The following RPH3A variants were observed in gnomAD, a reference collection of about 807,000 sequenced individuals.
RPH3A encodes rabphilin 3A, also known as rabphilin-3A.
RPH3A carries 48 observed loss-of-function variants against 102.2 expected under a neutral mutation model. That is an observed-to-expected ratio of 0.47 (90% CI 0.37 to 0.60). RPH3A has a LOEUF of 0.60. Among genes scored for constraint, RPH3A ranks in the 20% least tolerant of loss-of-function variants. The probability of loss-of-function intolerance (pLI) is 0.00; values close to 1 mark genes in which losing one functional copy is unlikely to be tolerated. For synonymous variants in RPH3A, 310 were observed against 324.3 expected, an observed-to-expected ratio of 0.96 and a Z score of 0.47; for missense variants, 781 against 910.1, an observed-to-expected ratio of 0.86 and a Z score of 1.83.
At chr12:112,650,179 C>G (rs773901333) in intron 1 of RPH3A, among the ~76,000 whole-genome samples, 2 of 152,196 alleles carry the variant, frequency 1.3e-5, no homozygotes, top group Non-Finnish European at 2.9e-5. Flanking sequence ...CCAGTTCAGT[C>G]CCAGCAGCCA....
At chr12:112,663,468 C>A (rs994278528) in intron 1 of RPH3A, among the ~76,000 whole-genome samples, 6 of 152,050 alleles carry the variant, frequency 3.9e-5, no homozygotes, top group African/African-American at 1.4e-4. Context: ...CCCACCATGG[C>A]CTCCCCTTAG....
intron 3 of RPH3A, among the ~76,000 whole-genome samples, chr12:112,832,880 A>G (rs936478662): frequency 6.6e-6 from 1 of 151,916 alleles, no homozygotes; most frequent in African/African-American, 2.4e-5. Context: ...TAGTTAAATG[A>G]TATTACACAC....
intron 1 of RPH3A, among the ~76,000 whole-genome samples, chr12:112,725,122 G>A (rs1209471703): frequency 2.6e-5 from 4 of 151,800 alleles, no homozygotes; most frequent in Non-Finnish European, 1.5e-5. Context: ...GGTGGCATAC[G>A]CCTGTAATCC....
intron 1 of RPH3A, among the ~76,000 whole-genome samples, chr12:112,689,620 T>G (rs1160838301): frequency 6.6e-6 from 1 of 152,214 alleles, no homozygotes; most frequent in Non-Finnish European, 1.5e-5. Flanking sequence ...TCTTCAACAA[T>G]TTTCTGCAAT....
intron 2 of RPH3A, among the ~76,000 whole-genome samples, chr12:112,816,833 G>A (rs2041680347): frequency 6.6e-6 from 1 of 152,086 alleles, no homozygotes; most frequent in Non-Finnish European, 1.5e-5. Context: ...CCATCTCTTA[G>A]GAAAACATAA....
rs558328564 is a variant in RPH3A at position 112,669,830 on chromosome 12, G to A, written c.-140+94511G>A. On this transcript the variant is annotated intron_variant, in intron 1 of 21. Coordinates refer to the RPH3A transcript ENST00000543106. ...TTTTTTGTGGCCATAATATTCTATT[G>A]TATGGCTATAGCATAATTTTTTTCA... is the stretch of plus-strand genomic sequence containing the variant. Among the ~76,000 whole-genome samples, 30 of 152,160 alleles carry A rather than the reference G, an allele frequency of 2.0e-4. No homozygotes were observed. In the South Asian group the frequency reaches 5.6e-3, roughly 28 times the overall value.
At chr12:112,873,619 A>G (rs1348070151) in intron 10 of RPH3A, among the ~76,000 whole-genome samples, 8 of 152,184 alleles carry the variant, frequency 5.3e-5, no homozygotes, top group Non-Finnish European at 8.8e-5. Flanking sequence ...TACACATTCA[A>G]CAAGATCTGA....
chr12:112,651,384 A>AAAAC (rs35545455), intron 1 of RPH3A, among the ~76,000 whole-genome samples: 69,306 of 150,566 alleles, frequency 0.46, 19,093 homozygotes, highest in Non-Finnish European at 0.61. Flanking sequence ...AAACCCCCAA[A>AAAAC]AAACAAACAA....
Position 112,713,051 on chromosome 12 carries a change from C to CCTTCTTCTTCTTCTTCTT in RPH3A, c.-139-79058_-139-79041dup, listed in dbSNP as rs397958107. ...TTCTTCTTCTTCTTCTTCTTCTTCT[C>CCTTCTTCTTCTTCTTCTT]CTTCTTCTTCTTCTTCTTCTTCTTC... On this transcript the variant is annotated intron_variant, in intron 1 of 21. Coordinates refer to the RPH3A transcript ENST00000543106. Among the ~76,000 whole-genome samples the CCTTCTTCTTCTTCTTCTT allele has an allele frequency of 1.5e-3, 132 of 85,872 alleles. 3 individuals carry two copies. The highest frequency in any genetic ancestry group is 1.0e-3 in the Admixed American group (7 of 6,882). 56.3% of individuals were successfully genotyped at this position (85,872 alleles called of 152,430 possible).
chr12:112,704,092 C>CTTT (rs764997927), intron 1 of RPH3A, among the ~76,000 whole-genome samples: 1 of 146,020 alleles, frequency 6.8e-6, no homozygotes, highest in Non-Finnish European at 1.5e-5. Context: ...TCTTCTTCTT[C>CTTT]TTTTTTTTTT....
At chr12:112,646,277 G>A (rs1017873575) in intron 1 of RPH3A, among the ~76,000 whole-genome samples, 8 of 152,020 alleles carry the variant, frequency 5.3e-5, no homozygotes, top group African/African-American at 1.5e-4. Flanking sequence ...CAAGACCAAC[G>A]TTCTTCTTAT....
At chr12:112,717,437 G>T (rs1034268818) in intron 1 of RPH3A, among the ~76,000 whole-genome samples, 6 of 151,886 alleles carry the variant, frequency 4.0e-5, no homozygotes, top group African/African-American at 1.5e-4. Context: ...AGTAATTACG[G>T]TTTTTGCCAT....
chr12:112,834,153 C>T (rs565308922), intron 3 of RPH3A, among the ~76,000 whole-genome samples: 1 of 152,322 alleles, frequency 6.6e-6, no homozygotes, highest in South Asian at 2.1e-4. Context: ...CCCACCCATC[C>T]CTAAGTCATC....
At chr12:112,861,110 A>C (rs1403623144) in intron 5 of RPH3A, among the ~76,000 whole-genome samples, 1 of 152,174 alleles carries the variant, frequency 6.6e-6, no homozygotes, top group East Asian at 1.9e-4. Context: ...AACCCCTCAA[A>C]TTCTCTCCCA....
chr12:112,671,729 A>C (rs762427737), intron 1 of RPH3A, among the ~76,000 whole-genome samples: 37 of 152,164 alleles, frequency 2.4e-4, no homozygotes, highest in Non-Finnish European at 3.7e-4. Flanking sequence ...CAGCATGGGA[A>C]TTAGAGGCAC....
intron 4 of RPH3A, among the ~76,000 whole-genome samples, chr12:112,841,710 T>TG (rs1565913197): frequency 4.0e-5 from 6 of 150,718 alleles, no homozygotes; most frequent in South Asian, 2.1e-4. Context: ...TTTTTTGGTT[T>TG]TTTTTTTTTT....
chr12:112,886,004 G>A (rs897628456), intron 16 of RPH3A, among the ~76,000 whole-genome samples: 1 of 152,188 alleles, frequency 6.6e-6, no homozygotes, highest in African/African-American at 2.4e-5. Context: ...TTGCCCTGAA[G>A]AAGGATGATA....
intron 1 of RPH3A, among the ~76,000 whole-genome samples, chr12:112,713,096 T>C (rs563425786): frequency 7.4e-6 from 1 of 134,742 alleles, no homozygotes; most frequent in South Asian, 2.7e-4. Context: ...TTCTTCTTCT[T>C]CTTCTTTTAT....
intron 1 of RPH3A, among the ~76,000 whole-genome samples, chr12:112,706,574 C>T (rs2040428542): frequency 6.6e-6 from 1 of 152,142 alleles, no homozygotes; most frequent in Non-Finnish European, 1.5e-5. Flanking sequence ...ATGAGAATGG[C>T]TTTAGGAAGT....
Sources: allele counts gnomAD v4.1 joint callset (sites outside exome capture counted in the v4.1 genomes callset), GRCh38; gene constraint gnomAD v4.1.1; transcripts MANE v1.5; gene names NCBI Gene and HGNC (gene_info 2026-07-23, HGNC 2026-07-21).